SDK2: variants seen among roughly 807,000 people sequenced by gnomAD.
SDK2 encodes the protein protein sidekick-2.
In SDK2, 105 loss-of-function variants were observed where a neutral mutation model predicts 253.9. The observed-to-expected ratio is 0.41, with a 90% CI of 0.35 to 0.49. The LOEUF (loss-of-function observed/expected upper bound fraction) is 0.49. SDK2 is among the 20% of genes least tolerant of loss of function. The pLI is 0.06. For synonymous variants in SDK2, 1,249 were observed against 1,234.9 expected, an observed-to-expected ratio of 1.01 and a Z score of -0.24; for missense variants, 2,608 against 3,003.0, an observed-to-expected ratio of 0.87 and a Z score of 3.07.
intron 32 of SDK2, among the ~76,000 whole-genome samples, chr17:73,385,003 C>T (rs866695143): frequency 1.3e-5 from 2 of 152,240 alleles, no homozygotes; most frequent in Non-Finnish European, 2.9e-5. Flanking sequence ...GCGTCCTCTC[C>T]TTGAGCTGTG....
intron 18 of SDK2, among the ~76,000 whole-genome samples, chr17:73,408,680 C>G: frequency 6.6e-6 from 1 of 151,956 alleles, no homozygotes; most frequent in Non-Finnish European, 1.5e-5. Flanking sequence ...TTCTGTTGGA[C>G]AAATGACTAA....
At position 73,336,819 on chromosome 17, in the gene SDK2, T is replaced by G. The variant is rs2062382672; in HGVS notation, c.*1768A>C. 6.5e-6 allele frequency: 1 copy of G among 152,682 alleles called. No homozygotes were observed. The highest frequency in any genetic ancestry group is 6.5e-5 in the Admixed American group (1 of 15,282). 9.5% of individuals were successfully genotyped at this position (152,682 alleles called of 1,614,324 possible). ...CCCTGCTCCACGAAGGGGCTCACGC[T>G]GAATCAGACAGGCCCCTGTGGGCCA... On this transcript the variant is annotated 3_prime_UTR_variant, in exon 45 of 45. Coordinates refer to ENST00000392650, the MANE Select transcript of SDK2 (RefSeq NM_001144952.2).
intron 22 of SDK2, 78 bp from the exon 23 acceptor site, chr17:73,398,507 GC>G: frequency 7.8e-7 from 1 of 1,279,434 alleles, no homozygotes; most frequent in Non-Finnish European, 1.1e-6. Flanking sequence ...TACAAGCCCT[GC>G]CAGGGAAGAA....
At chr17:73,353,211 C>T (rs578009016) in intron 40 of SDK2, among the ~76,000 whole-genome samples, 2 of 152,214 alleles carry the variant, frequency 1.3e-5, no homozygotes, top group South Asian at 4.2e-4. Flanking sequence ...AACCACCGTC[C>T]AGAGAAACAG....
At chr17:73,615,017 C>T (rs1217386376) in intron 1 of SDK2, among the ~76,000 whole-genome samples, 1 of 151,770 alleles carries the variant, frequency 6.6e-6, no homozygotes, top group Non-Finnish European at 1.5e-5. Context: ...AAAGGCTGCT[C>T]CTAAACTGAT....
In SDK2 at chr17:73,435,541, G is replaced by A. The variant is rs1050228542; in HGVS notation, c.1104C>T (p.Ser368=). The part of the protein sequence containing the change: ...RQRNDGGLQI[S]GLVPDDTGMF... Reference sequence around the variant, plus strand: ...TGCCGGTATCATCGGGCACCAGGCCGCTGATCTGCAGGCCCCCGTCGTTGC... The same window carrying A: ...TGCCGGTATCATCGGGCACCAGGCCACTGATCTGCAGGCCCCCGTCGTTGC... Residue 368 remains serine (S), a synonymous_variant, in exon 9 of 45, where the codon AGC becomes AGT. Transcript: ENST00000392650. This position sits in a 1 kb window ranked among gnomAD's most constrained non-coding sequence, Gnocchi z 5.7. 7 of 1,596,826 alleles carry A rather than the reference G, an allele frequency of 4.4e-6. 1 individual carries two copies. Among genetic ancestry groups the A allele is most frequent in the Middle Eastern group, 3.3e-4 (2 of 6,048 alleles).
At chr17:73,423,360 G>A (rs369151008) in intron 14 of SDK2, 26 bp downstream of exon 14, 2 of 1,414,652 alleles carry the variant, frequency 1.4e-6, no homozygotes, top group African/African-American at 2.9e-5. Flanking sequence ...GGCGGGAGGT[G>A]TTGGAGGTGA....
At chr17:73,339,866 TTTTC>T (rs939409983) in intron 44 of SDK2, among the ~76,000 whole-genome samples, 14 of 152,050 alleles carry the variant, frequency 9.2e-5, no homozygotes, top group African/African-American at 1.4e-4. Context: ...CTTTGTTTTC[TTTTC>T]TTTCTTTCTT....
chr17:73,617,894 T>A (rs1266112687), intron 1 of SDK2, among the ~76,000 whole-genome samples: 1 of 152,040 alleles, frequency 6.6e-6, no homozygotes, highest in Non-Finnish European at 1.5e-5. Context: ...CAAAACAAAA[T>A]ACCCAACAAC....
At chr17:73,586,541 A>G (rs2045605615) in intron 1 of SDK2, among the ~76,000 whole-genome samples, 1 of 151,902 alleles carries the variant, frequency 6.6e-6, no homozygotes, top group African/African-American at 2.4e-5. Flanking sequence ...TATGGAGCTC[A>G]AGTTGGTATC....
intron 1 of SDK2, among the ~76,000 whole-genome samples, chr17:73,551,004 C>G (rs1416298693): frequency 6.6e-6 from 1 of 152,158 alleles, no homozygotes; most frequent in East Asian, 1.9e-4. Flanking sequence ...ACTGGCCAAG[C>G]CTAACCTGAA....
At chr17:73,398,754 T>TA (rs1448451968) in intron 22 of SDK2, among the ~76,000 whole-genome samples, 1 of 152,174 alleles carries the variant, frequency 6.6e-6, no homozygotes, top group East Asian at 1.9e-4. Flanking sequence ...GCAGCCCAGG[T>TA]GATTCTCTTG....
chr17:73,501,084 C>A (rs187894716), intron 2 of SDK2, among the ~76,000 whole-genome samples: 1 of 152,334 alleles, frequency 6.6e-6, no homozygotes, highest in Non-Finnish European at 1.5e-5. Flanking sequence ...ATGAGAGAGG[C>A]TCCAGCACTA....
intron 1 of SDK2, among the ~76,000 whole-genome samples, chr17:73,542,272 G>A (rs1052947499): frequency 2.0e-5 from 3 of 152,228 alleles, no homozygotes; most frequent in African/African-American, 4.8e-5. Context: ...ACAAAACTGA[G>A]GTTGTGACTT....
chr17:73,447,449 CT>C lies in SDK2; in HGVS notation c.613+165del, dbSNP rs1485856128. Among the ~76,000 whole-genome samples the C allele has an allele frequency of 6.6e-6, 1 of 152,136 alleles. No individual in the cohort carries two copies. The highest frequency in any genetic ancestry group is 1.5e-5 in the Non-Finnish European group (1 of 68,022). On this transcript the variant is annotated intron_variant, in intron 5 of 44. Coordinates refer to ENST00000392650, the MANE Select transcript of SDK2 (RefSeq NM_001144952.2). The surrounding 1 kb of genome is among the most constrained non-coding windows in gnomAD (Gnocchi z 4.0). ...CTGCTCCTTTCCTGCCCAGGCACCC[CT>C]GGCTCTGCTGTGTCTCGTCCTCCTT...
intron 3 of SDK2, among the ~76,000 whole-genome samples, chr17:73,470,562 A>G (rs2145691940): frequency 6.6e-6 from 1 of 152,346 alleles, no homozygotes; most frequent in Non-Finnish European, 1.5e-5. Context: ...CCTGAGATCC[A>G]TCACTTTAAT....
chr17:73,600,849 C>T, intron 1 of SDK2, among the ~76,000 whole-genome samples: 1 of 152,140 alleles, frequency 6.6e-6, no homozygotes. Context: ...CAGAGCTGCT[C>T]ACTCCTCTGC....
intron 1 of SDK2, among the ~76,000 whole-genome samples, chr17:73,566,385 A>C (rs2045313584): frequency 6.7e-6 from 1 of 150,100 alleles, no homozygotes; most frequent in Non-Finnish European, 1.5e-5. Flanking sequence ...CCTTTACAGC[A>C]ATGCAAACAG....
Position 73,512,497 on chromosome 17 carries a change from C to T in SDK2, c.65-4900G>A, listed in dbSNP as rs372813439. Among the ~76,000 whole-genome samples, 267 of 151,830 alleles carry T rather than the reference C, an allele frequency of 1.8e-3. 1 individual carries two copies. Among genetic ancestry groups the T allele is most frequent in the African/African-American group, 6.2e-3 (256 of 41,366 alleles). On this transcript the variant is annotated intron_variant, in intron 1 of 44. Coordinates refer to ENST00000392650, the MANE Select transcript of SDK2 (RefSeq NM_001144952.2). The stretch of plus-strand genomic sequence containing the variant: ...GAGAATTGTGGATAGAAAGAATCAA[C>T]GTTATAAAGATGTCATTCTCTTAAA...
Sources: gnomAD v4.1 joint callset for allele counts (sites outside exome capture counted in the v4.1 genomes callset) on GRCh38, gnomAD v4.1.1 for gene constraint, Gnocchi (gnomAD v3.1) non-coding constraint, MANE v1.5 for transcripts, NCBI Gene and HGNC (gene_info 2026-07-23, HGNC 2026-07-21) for gene names.